The following PPARGC1A variants were observed in gnomAD, a reference collection of about 807,000 sequenced individuals.
PPARGC1A encodes the protein peroxisome proliferator-activated receptor gamma coactivator 1-alpha.
In PPARGC1A, 25 loss-of-function variants were observed where a neutral mutation model predicts 88.7. That is an observed-to-expected ratio of 0.28 (90% CI 0.21 to 0.39). The LOEUF is 0.39. Ranked by LOEUF, PPARGC1A falls within the 10% of genes least tolerant of loss-of-function variation. The pLI is 1.00. For synonymous variants in PPARGC1A, 363 were observed against 355.6 expected (o/e 1.02, Z -0.24); for missense variants, 880 against 968.7 (o/e 0.91, Z 1.22).
intron 2 of PPARGC1A, among the ~76,000 whole-genome samples, chr4:23,842,267 A>C (rs757403128): frequency 6.6e-6 from 1 of 152,114 alleles, no homozygotes. Context: ...TGGCTGGCCC[A>C]GTGTTGGTTC....
the PPARGC1A span, among the ~76,000 whole-genome samples, chr4:23,925,016 G>A: frequency 6.6e-6 from 1 of 152,308 alleles, no homozygotes; most frequent in South Asian, 2.1e-4. Flanking sequence ...CAATTAAAGC[G>A]TTTAGGAGAC....
the PPARGC1A span, among the ~76,000 whole-genome samples, chr4:24,309,954 T>A: frequency 6.6e-6 from 1 of 152,144 alleles, no homozygotes; most frequent in Non-Finnish European, 1.5e-5. Flanking sequence ...TTGAATAGGA[T>A]TTTCTGATGG....
At chr4:24,290,613 C>T in the PPARGC1A span, among the ~76,000 whole-genome samples, 1 of 152,208 alleles carries the variant, frequency 6.6e-6, no homozygotes, top group African/African-American at 2.4e-5. Flanking sequence ...TGAATGCCCA[C>T]TCACTCTTAC....
chr4:24,324,373 A>T, the PPARGC1A span, among the ~76,000 whole-genome samples: 1 of 151,688 alleles, frequency 6.6e-6, no homozygotes, highest in Non-Finnish European at 1.5e-5. Context: ...TCTGTGCCCA[A>T]TCCCTTATTT....
chr4:23,932,129 A>C, the PPARGC1A span, among the ~76,000 whole-genome samples: 1 of 152,266 alleles, frequency 6.6e-6, no homozygotes, highest in Admixed American at 6.5e-5. Flanking sequence ...AAACGGAAAT[A>C]GCAAGATGTA....
At chr4:24,284,879 T>A in the PPARGC1A span, among the ~76,000 whole-genome samples, 1 of 151,944 alleles carries the variant, frequency 6.6e-6, no homozygotes, top group Non-Finnish European at 1.5e-5. Context: ...ATACAAAAAA[T>A]TAGGTGGGCA....
the PPARGC1A span, among the ~76,000 whole-genome samples, chr4:24,088,884 ATGAACTGAGACCC>A: frequency 6.6e-6 from 1 of 152,228 alleles, no homozygotes; most frequent in African/African-American, 2.4e-5. Context: ...TCAAACAGGC[ATGAACTGAGACCC>A]TGAATGGCTT....
chr4:24,002,603 G>T, the PPARGC1A span, among the ~76,000 whole-genome samples: 1 of 119,160 alleles, frequency 8.4e-6, no homozygotes. Flanking sequence ...AGTGCATGCT[G>T]CTTTTTTTTT....
At chr4:24,446,409 GT>G in the PPARGC1A span, among the ~76,000 whole-genome samples, 1 of 152,060 alleles carries the variant, frequency 6.6e-6, no homozygotes, top group Non-Finnish European at 1.5e-5. Flanking sequence ...TCTTTAGCCT[GT>G]TTTTTAATAG....
intron 1 of PPARGC1A, chr4:23,889,012 G>C: frequency 1.0e-6 from 1 of 985,390 alleles, no homozygotes; most frequent in East Asian, 1.1e-4. Flanking sequence ...CCATTGTGCT[G>C]AATGCAAACA....
the PPARGC1A span, among the ~76,000 whole-genome samples, chr4:24,041,687 CAT>C: frequency 3.3e-5 from 5 of 152,146 alleles, no homozygotes; most frequent in Non-Finnish European, 5.9e-5. Context: ...AGAAAATGCA[CAT>C]AGTCACAAAC....
At chr4:24,000,805 G>A in the PPARGC1A span, among the ~76,000 whole-genome samples, 1 of 152,180 alleles carries the variant, frequency 6.6e-6, no homozygotes, top group Non-Finnish European at 1.5e-5. Flanking sequence ...GAAAATTTCA[G>A]TGAGTAACTA....
chr4:23,979,303 A>T, the PPARGC1A span, among the ~76,000 whole-genome samples: 1 of 152,206 alleles, frequency 6.6e-6, no homozygotes, highest in Non-Finnish European at 1.5e-5. Flanking sequence ...TTTAAGGGAT[A>T]CTTTCTCCTG....
At chr4:24,424,961 A>T in the PPARGC1A span, among the ~76,000 whole-genome samples, 1 of 152,180 alleles carries the variant, frequency 6.6e-6, no homozygotes, top group Non-Finnish European at 1.5e-5. Flanking sequence ...CTAATATATG[A>T]CCTCTGCAGA....
Position 23,805,429 on chromosome 4 carries a change from C to T in PPARGC1A, c.2020-3084G>A, listed in dbSNP as rs373729693. Among the ~76,000 whole-genome samples the T allele has an allele frequency of 2.2e-4, 33 of 152,240 alleles. No homozygotes were observed. In the South Asian group the frequency reaches 6.8e-3, roughly 32 times the overall value. On this transcript the variant is annotated intron_variant, in intron 10 of 12. Transcript: ENST00000264867. ...AACTCTACGAACAATAGCATTGAGA[C>T]TAAATAAATGACCAGATGAAGCAGA...
chr4:23,890,140 C>A, upstream of PPARGC1A: 1 of 1,289,678 alleles, frequency 7.8e-7, no homozygotes, highest in Non-Finnish European at 9.9e-7. Flanking sequence ...ACCCAGCCTC[C>A]CTTCCCCTGT....
At chr4:24,395,431 T>A in the PPARGC1A span, among the ~76,000 whole-genome samples, 2 of 152,226 alleles carry the variant, frequency 1.3e-5, no homozygotes, top group Admixed American at 6.5e-5. Context: ...GACTGATCAC[T>A]GACAAATAAG....
At chr4:24,400,296 C>A in the PPARGC1A span, among the ~76,000 whole-genome samples, 1 of 152,084 alleles carries the variant, frequency 6.6e-6, no homozygotes, top group Non-Finnish European at 1.5e-5. Flanking sequence ...CTGGTGGGCA[C>A]AATCTAATCA....
the PPARGC1A span, among the ~76,000 whole-genome samples, chr4:24,243,161 A>C: frequency 6.6e-6 from 1 of 152,212 alleles, no homozygotes; most frequent in African/African-American, 2.4e-5. Flanking sequence ...CTCATGAAGG[A>C]GTAAATGAAT....
Sources: allele counts gnomAD v4.1 joint callset (sites outside exome capture counted in the v4.1 genomes callset), GRCh38; gene constraint gnomAD v4.1.1; transcripts MANE v1.5; gene names NCBI Gene and HGNC (gene_info 2026-07-23, HGNC 2026-07-21).